NDST3: variants seen among roughly 807,000 people sequenced by gnomAD.
The protein encoded by NDST3 is bifunctional heparan sulfate N-deacetylase/N-sulfotransferase 3.
Under a neutral mutation model 96.1 loss-of-function variants are expected in NDST3, and 58 were observed. That is an observed-to-expected ratio of 0.60 (90% CI 0.49 to 0.75). The LOEUF (loss-of-function observed/expected upper bound fraction) is 0.75. Ranked by LOEUF, NDST3 falls within the 30% of genes least tolerant of loss-of-function variation. The pLI is 0.00. For synonymous variants in NDST3, 333 were observed against 359.7 expected, an observed-to-expected ratio of 0.93 and a Z score of 0.84; for missense variants, 788 against 1,034.2, an observed-to-expected ratio of 0.76 and a Z score of 3.27.
intron 6 of NDST3, among the ~76,000 whole-genome samples, chr4:118,179,551 A>G (rs1736471149): frequency 6.6e-6 from 1 of 152,066 alleles, no homozygotes; most frequent in African/African-American, 2.4e-5. Flanking sequence ...ACTTTTTTAA[A>G]AACTAGAAAA....
intron 6 of NDST3, among the ~76,000 whole-genome samples, chr4:118,177,416 C>T (rs1245077198): frequency 2.0e-5 from 3 of 151,978 alleles, no homozygotes; most frequent in Admixed American, 6.6e-5. Context: ...CAAGTTTTTT[C>T]TTGTCTTTGA....
intron 1 of NDST3, among the ~76,000 whole-genome samples, chr4:118,038,081 T>A (rs1385250471): frequency 6.6e-6 from 1 of 152,184 alleles, no homozygotes; most frequent in Non-Finnish European, 1.5e-5. Context: ...GTTAACACTC[T>A]CTTGTTCCCA....
Position 118,053,888 on chromosome 4 carries a change from T to C in NDST3, c.-23T>C. 6.4e-7 allele frequency: 1 copy of C among 1,558,414 alleles called. No individual in the cohort carries two copies. Among genetic ancestry groups the C allele is most frequent in the Non-Finnish European group, 8.7e-7 (1 of 1,154,258 alleles). ...ACTTTTTATGGTGCTTCTGTTGGCA[T>C]AGTTGGGGAAAGCACCTACAACATG... On this transcript the variant is annotated 5_prime_UTR_variant, in exon 2 of 14. It removes the in-frame stop codon of an upstream open reading frame in the 5' UTR. Coordinates refer to ENST00000296499, the MANE Select transcript of NDST3 (RefSeq NM_004784.3).
At chr4:118,216,402 T>C (rs1290802191) in intron 6 of NDST3, among the ~76,000 whole-genome samples, 1 of 152,132 alleles carries the variant, frequency 6.6e-6, no homozygotes, top group Non-Finnish European at 1.5e-5. Context: ...AGCTCTTCAT[T>C]ATTAAGCAAT....
rs2126003381 is a variant in NDST3, at chr4:118,237,225, G to A, written c.2118+5G>A. On this transcript the variant is annotated splice_donor_5th_base_variant and intron_variant, in intron 10 of 13. Transcript: ENST00000296499. ...CGAGCATACTCCTGGTACCAGGTAAGGAAAATGCAAATAAAATCCAACAGG... is the reference window on the plus strand; with the variant it reads ...CGAGCATACTCCTGGTACCAGGTAAAGAAAATGCAAATAAAATCCAACAGG... The A allele has an allele frequency of 6.9e-6, 11 of 1,595,012 alleles. No homozygotes were observed. The highest frequency in any genetic ancestry group is 4.0e-5 in the African/African-American group (3 of 74,204).
Position 118,240,510 on chromosome 4 carries a change from C to A in NDST3, c.2119-14C>A. 2 of 1,578,290 alleles carry A rather than the reference C, an allele frequency of 1.3e-6. No individual in the cohort carries two copies. Among genetic ancestry groups the A allele is most frequent in the South Asian group, 1.2e-5 (1 of 85,870 alleles). ...CGGTTCAGATTAGTTTAATTATCCACCTTTTCATCATAGCATCAGCGATCA... is the reference window on the plus strand; with the variant it reads ...CGGTTCAGATTAGTTTAATTATCCAACTTTTCATCATAGCATCAGCGATCA... On this transcript the variant is annotated splice_polypyrimidine_tract_variant and intron_variant, in intron 10 of 13. Coordinates refer to ENST00000296499, the MANE Select transcript of NDST3 (RefSeq NM_004784.3).
At chr4:118,252,514 G>A (rs543357312) in intron 12 of NDST3, among the ~76,000 whole-genome samples, 1 of 152,326 alleles carries the variant, frequency 6.6e-6, no homozygotes, top group East Asian at 1.9e-4. Context: ...AACCTCAAAT[G>A]AGAAAGAGTT....
rs1742116530 is a variant in NDST3 at position 118,256,205 on chromosome 4, T to C, written c.*493T>C. 1 of 152,204 alleles carries C rather than the reference T, an allele frequency of 6.6e-6. No homozygotes were observed. The highest frequency in any genetic ancestry group is 1.5e-5 in the Non-Finnish European group (1 of 68,052). 9.4% of individuals were successfully genotyped at this position (152,204 alleles called of 1,614,324 possible). On this transcript the variant is annotated 3_prime_UTR_variant, in exon 14 of 14. Coordinates refer to ENST00000296499, the MANE Select transcript of NDST3 (RefSeq NM_004784.3). ...AAGCATAACACCCATGAAAAATGCT[T>C]GCCAAAATTTAAATCCACTTAAGTA... is the stretch of plus-strand genomic sequence containing the variant.
At chr4:118,052,072 A>G (rs1367662648) in intron 1 of NDST3, among the ~76,000 whole-genome samples, 1 of 152,124 alleles carries the variant, frequency 6.6e-6, no homozygotes, top group Non-Finnish European at 1.5e-5. Context: ...TACTAAAAAG[A>G]TGCATACACT....
intron 1 of NDST3, among the ~76,000 whole-genome samples, chr4:118,046,292 G>T (rs1724757492): frequency 6.6e-6 from 1 of 152,212 alleles, no homozygotes; most frequent in Non-Finnish European, 1.5e-5. Context: ...AAGGGGATCT[G>T]ATTGGAGAGT....
At chr4:118,194,579 C>T (rs577402543) in intron 6 of NDST3, 2 of 728,906 alleles carry the variant, frequency 2.7e-6, no homozygotes, top group South Asian at 2.8e-5. Flanking sequence ...TAACAGCCAG[C>T]CAGTGTAGTG....
Position 118,135,277 on chromosome 4 carries a change from G to A in NDST3, c.1225-2777G>A, listed in dbSNP as rs954685589. Among the ~76,000 whole-genome samples the A allele has an allele frequency of 3.3e-5, 5 of 151,998 alleles. No individual in the cohort carries two copies. The East Asian group carries it at 7.7e-4, about 24-fold the overall frequency. On this transcript the variant is annotated intron_variant, in intron 4 of 13. Transcript: ENST00000296499. ...AAGCAGGCTTAGGAAGGGGTAGTGGGGTAGAAGTCAGAGTTCACCACAGGA... is the reference window on the plus strand; with the variant it reads ...AAGCAGGCTTAGGAAGGGGTAGTGGAGTAGAAGTCAGAGTTCACCACAGGA...
At chr4:118,065,899 T>G (rs1726277854) in intron 2 of NDST3, among the ~76,000 whole-genome samples, 1 of 150,242 alleles carries the variant, frequency 6.7e-6, no homozygotes, top group South Asian at 2.1e-4. Context: ...TGTAACTTCT[T>G]GTCTCTATTT....
chr4:118,096,708 T>TAGACAGAC (rs1400292803), intron 2 of NDST3, among the ~76,000 whole-genome samples: 4 of 145,254 alleles, frequency 2.8e-5, no homozygotes, highest in Admixed American at 6.9e-5. Flanking sequence ...GATAGATAGA[T>TAGACAGAC]AGACAGTTAG....
chr4:118,079,447 A>C (rs1727835201), intron 2 of NDST3, among the ~76,000 whole-genome samples: 2 of 152,168 alleles, frequency 1.3e-5, no homozygotes, highest in Non-Finnish European at 2.9e-5. Flanking sequence ...ACAAATACAT[A>C]AGGTAAGAGA....
At chr4:118,156,624 G>A (rs760712160) in intron 6 of NDST3, among the ~76,000 whole-genome samples, 23 of 150,600 alleles carry the variant, frequency 1.5e-4, no homozygotes, top group Middle Eastern at 3.4e-3. Flanking sequence ...TGATTACAGA[G>A]GGTTTGAGTA....
At chr4:118,214,349 G>A (rs1739051337) in intron 6 of NDST3, among the ~76,000 whole-genome samples, 1 of 152,032 alleles carries the variant, frequency 6.6e-6, no homozygotes, top group African/African-American at 2.4e-5. Context: ...TCCTAATTGA[G>A]ATGTACTGTA....
At chr4:118,047,344 G>C (rs1724829866) in intron 1 of NDST3, among the ~76,000 whole-genome samples, 1 of 152,192 alleles carries the variant, frequency 6.6e-6, no homozygotes, top group Non-Finnish European at 1.5e-5. Flanking sequence ...AATTTAAAAA[G>C]TCAGAGTGTC....
intron 2 of NDST3, among the ~76,000 whole-genome samples, chr4:118,068,401 A>AT (rs777516023): frequency 2.1e-4 from 32 of 151,772 alleles, no homozygotes; most frequent in Non-Finnish European, 3.5e-4. Context: ...GTCCTACTGT[A>AT]TTTTTTTTAA....
Sources: allele counts gnomAD v4.1 joint callset (sites outside exome capture counted in the v4.1 genomes callset), GRCh38; gene constraint gnomAD v4.1.1; transcripts MANE v1.5; gene names NCBI Gene and HGNC (gene_info 2026-07-23, HGNC 2026-07-21).